The following LRRTM4 variants were observed in gnomAD, a reference collection of about 807,000 sequenced individuals.
LRRTM4 encodes the protein leucine-rich repeat transmembrane neuronal protein 4.
Under a neutral mutation model 47.6 loss-of-function variants are expected in LRRTM4, and 25 were observed. The observed-to-expected ratio is 0.53, with a 90% CI of 0.38 to 0.73. LRRTM4 has a LOEUF of 0.73. Ranked by LOEUF, LRRTM4 falls within the 30% of genes least tolerant of loss-of-function variation. LRRTM4 has a pLI of 0.00. For missense variants in LRRTM4, 638 were observed against 713.4 expected (o/e 0.89, Z 1.20); for synonymous variants, 311 against 269.5 (o/e 1.15, Z -1.51).
chr2:77,383,639 A>G (rs1673146668), intron 3 of LRRTM4, among the ~76,000 whole-genome samples: 1 of 152,122 alleles, frequency 6.6e-6, no homozygotes, highest in Admixed American at 6.6e-5. Context: ...ACATTTGCAT[A>G]TGTTGTGTCA....
chr2:76,816,218 A>G (rs569904160), intron 3 of LRRTM4, among the ~76,000 whole-genome samples: 2 of 152,226 alleles, frequency 1.3e-5, no homozygotes, highest in East Asian at 3.9e-4. Context: ...AAGAAGCAAG[A>G]AGTGTTTTAG....
chr2:76,863,131 T>C (rs1573226615), intron 3 of LRRTM4, among the ~76,000 whole-genome samples: 1 of 152,300 alleles, frequency 6.6e-6, no homozygotes, highest in East Asian at 1.9e-4. Flanking sequence ...CTATTATTTG[T>C]GGACTTGTCC....
At chr2:76,798,115 T>A (rs371748413) in intron 3 of LRRTM4, among the ~76,000 whole-genome samples, 17 of 152,028 alleles carry the variant, frequency 1.1e-4, no homozygotes, top group East Asian at 5.8e-4. Flanking sequence ...AGACATCTAC[T>A]GAACTCTCCA....
At chr2:77,114,043 T>G (rs1671323554) in intron 3 of LRRTM4, among the ~76,000 whole-genome samples, 1 of 149,924 alleles carries the variant, frequency 6.7e-6, no homozygotes, top group South Asian at 2.1e-4. Flanking sequence ...GGGGGAGGAG[T>G]AGGCGAAGGG....
At chr2:77,082,798 G>A (rs898782910) in intron 3 of LRRTM4, among the ~76,000 whole-genome samples, 8 of 151,960 alleles carry the variant, frequency 5.3e-5, no homozygotes, top group Middle Eastern at 3.4e-3. Flanking sequence ...ATGATGTCAC[G>A]TATTTGCTCT....
intron 3 of LRRTM4, among the ~76,000 whole-genome samples, chr2:76,902,968 G>C (rs927677018): frequency 9.2e-5 from 14 of 151,790 alleles, no homozygotes; most frequent in African/African-American, 2.4e-4. Context: ...TAATAAATTG[G>C]GTGGGTCAAG....
At chr2:77,475,785 T>C (rs1038141417) in intron 3 of LRRTM4, among the ~76,000 whole-genome samples, 5 of 151,932 alleles carry the variant, frequency 3.3e-5, no homozygotes, top group South Asian at 4.2e-4. Flanking sequence ...TTGGTGTAAT[T>C]AGTATATACT....
At chr2:77,176,289 T>C (rs1224307226) in intron 3 of LRRTM4, among the ~76,000 whole-genome samples, 1 of 152,212 alleles carries the variant, frequency 6.6e-6, no homozygotes, top group Non-Finnish European at 1.5e-5. Context: ...CCCATCACTT[T>C]AGATGCCATT....
chr2:76,994,892 A>G (rs1198799055), intron 3 of LRRTM4, among the ~76,000 whole-genome samples: 2 of 152,002 alleles, frequency 1.3e-5, no homozygotes. Context: ...ACTCTATTTT[A>G]TGGCATTCTA....
At chr2:77,013,319 C>T (rs988842414) in intron 3 of LRRTM4, among the ~76,000 whole-genome samples, 1 of 152,082 alleles carries the variant, frequency 6.6e-6, no homozygotes, top group African/African-American at 2.4e-5. Context: ...TTGGCAAAGG[C>T]AGGGACGGAG....
chr2:77,521,561 C>T, intron 2 of LRRTM4, 107 bp downstream of exon 2: 1 of 1,287,066 alleles, frequency 7.8e-7, no homozygotes, highest in Non-Finnish European at 1.1e-6. Flanking sequence ...TCAAAGGCTG[C>T]TGCTCTTTGC....
chr2:76,820,106 C>T (rs1053131065), intron 3 of LRRTM4, among the ~76,000 whole-genome samples: 1 of 151,940 alleles, frequency 6.6e-6, no homozygotes, highest in Non-Finnish European at 1.5e-5. Flanking sequence ...AATTCTTCAA[C>T]TCCCATTCTG....
chr2:76,914,069 G>C (rs1674162237), intron 3 of LRRTM4, among the ~76,000 whole-genome samples: 1 of 151,658 alleles, frequency 6.6e-6, no homozygotes, highest in African/African-American at 2.4e-5. Context: ...AAGTTTGAAA[G>C]TATTATTTAT....
At chr2:76,855,173 C>T (rs189811677) in intron 3 of LRRTM4, among the ~76,000 whole-genome samples, 4 of 152,004 alleles carry the variant, frequency 2.6e-5, no homozygotes, top group East Asian at 1.9e-4. Context: ...TCAGGAGCAA[C>T]GTTAGCAAGA....
chr2:77,365,640 C>T (rs1216446522), intron 3 of LRRTM4, among the ~76,000 whole-genome samples: 1 of 151,352 alleles, frequency 6.6e-6, no homozygotes, highest in Non-Finnish European at 1.5e-5. Context: ...TTTATACATG[C>T]AGTTAATGGT....
chr2:76,887,807 T>A (rs1390530303), intron 3 of LRRTM4, among the ~76,000 whole-genome samples: 10 of 150,922 alleles, frequency 6.6e-5, no homozygotes, highest in African/African-American at 2.2e-4. Context: ...TACTAGCCAA[T>A]GGAATTTGAC....
intron 3 of LRRTM4, among the ~76,000 whole-genome samples, chr2:77,094,646 A>AT (rs1234566483): frequency 1.3e-5 from 2 of 152,170 alleles, no homozygotes; most frequent in African/African-American, 2.4e-5. Context: ...TGGTCAATTG[A>AT]TTTTTTACAG....
intron 3 of LRRTM4, among the ~76,000 whole-genome samples, chr2:77,076,967 TCAA>T (rs759906779): frequency 1.2e-4 from 19 of 152,078 alleles, no homozygotes; most frequent in African/African-American, 4.3e-4. Flanking sequence ...AACAATAACA[TCAA>T]CAACAATAAA....
intron 3 of LRRTM4, among the ~76,000 whole-genome samples, chr2:77,013,818 A>G (rs1334726365): frequency 1.3e-5 from 2 of 152,186 alleles, no homozygotes; most frequent in Non-Finnish European, 2.9e-5. Context: ...CCCCAATAAG[A>G]TAATGTTAAC....
Sources: gnomAD v4.1 joint callset for allele counts (sites outside exome capture counted in the v4.1 genomes callset) on GRCh38, gnomAD v4.1.1 for gene constraint, MANE v1.5 for transcripts, NCBI Gene and HGNC (gene_info 2026-07-23, HGNC 2026-07-21) for gene names.